The following SH3D21 variants were observed in gnomAD, a reference collection of about 807,000 sequenced individuals.
SH3D21 encodes SH3 domain-containing protein 21.
A neutral mutation model predicts 82.1 loss-of-function variants in SH3D21; 83 were observed. The observed-to-expected ratio is 1.01, with a 90% CI of 0.85 to 1.21. The LOEUF is 1.21. Among genes scored for constraint, SH3D21 ranks in the 50% most tolerant of loss-of-function variants. SH3D21 has a pLI of 0.00. For missense variants in SH3D21, 980 were observed against 962.1 expected (o/e 1.02, Z -0.25); for synonymous variants, 383 against 387.8 (o/e 0.99, Z 0.15).
intron 10 of SH3D21, among the ~76,000 whole-genome samples, chr1:36,310,728 C>G (rs563857475): frequency 3.3e-5 from 5 of 152,238 alleles, no homozygotes; most frequent in African/African-American, 9.6e-5. Flanking sequence ...TACCACTTCC[C>G]TCACCCCAAA....
chr1:36,317,423 G>C (rs1646363305), intron 10 of SH3D21, among the ~76,000 whole-genome samples: 2 of 152,230 alleles, frequency 1.3e-5, no homozygotes, highest in African/African-American at 2.4e-5. Context: ...ATCAGCACTT[G>C]TGCACATGCC....
At chr1:36,322,591 G>A (rs1489982844), downstream of SH3D21, 1 of 1,567,472 alleles carries the variant, frequency 6.4e-7, no homozygotes, top group Non-Finnish European at 8.6e-7. Flanking sequence ...CTGCTGCGGG[G>A]GTCCCGGCGC....
At chr1:36,321,662 G>T (rs1557489013), downstream of SH3D21, 19 of 1,013,948 alleles carry the variant, frequency 1.9e-5, no homozygotes, top group Non-Finnish European at 2.2e-5. The surrounding 1 kb of genome is among the most constrained non-coding windows in gnomAD (Gnocchi z 6.1). Flanking sequence ...GCTTACACCG[G>T]GGCTAGCAGC....
At position 36,320,578 on chromosome 1, in the gene SH3D21, G is replaced by C. The variant is rs916956335; in HGVS notation, c.1915G>C (p.Glu639Gln). Residue 639 changes from glutamate to glutamine, a missense_variant, in exon 14 of 16, where the codon GAA becomes CAA. Physicochemically the swap from Glu to Gln is conservative, Grantham distance 29. Coordinates refer to ENST00000453908, the MANE Select transcript of SH3D21 (RefSeq NM_001162530.2). ...GAAAGAGGAATTGCCCCCTAAAGAGGAAGTGGCTCCAAAAGAGGAGGTGCC... is the reference window on the plus strand; with the variant it reads ...GAAAGAGGAATTGCCCCCTAAAGAGCAAGTGGCTCCAAAAGAGGAGGTGCC... Reference protein sequence around the residue: ...TLKEELPPKEEVAPKEEVPPI... With the variant: ...TLKEELPPKEQVAPKEEVPPI... The C allele has an allele frequency of 6.2e-7, 1 of 1,614,050 alleles. No individual in the cohort carries two copies. Among genetic ancestry groups the C allele is most frequent in the Non-Finnish European group, 8.5e-7 (1 of 1,180,026 alleles).
chr1:36,321,099 T>C lies in SH3D21; in HGVS notation c.2243T>C (p.Val748Ala), dbSNP rs1646453717. The C allele has an allele frequency of 6.2e-7, 1 of 1,612,006 alleles. No homozygotes were observed. The highest frequency in any genetic ancestry group is 1.3e-5 in the African/African-American group (1 of 74,890). Reference sequence around the variant, plus strand: ...ACCCAGAAGTCCCAGACCCCGCGCGTCATCCACACGCAGACGCAGACCTAC... The same window carrying C: ...ACCCAGAAGTCCCAGACCCCGCGCGCCATCCACACGCAGACGCAGACCTAC... ...QGTQKSQTPR[V>A]IHTQTQTY The change falls in exon 16 of 16, where the codon GTC becomes GCC. Residue 748 changes from valine to alanine, a missense_variant. Transcript: ENST00000453908. The surrounding 1 kb of genome is among the most constrained non-coding windows in gnomAD (Gnocchi z 6.1).
Position 36,306,942 on chromosome 1 carries a change from G to A in SH3D21, c.226+37G>A, listed in dbSNP as rs915653240. 18 of 1,341,126 alleles carry A rather than the reference G, an allele frequency of 1.3e-5. No individual in the cohort carries two copies. Among genetic ancestry groups the A allele is most frequent in the Non-Finnish European group, 1.7e-5 (18 of 1,034,372 alleles). 83.1% of individuals were successfully genotyped at this position (1,341,126 alleles called of 1,614,324 possible). On this transcript the variant is annotated intron_variant, in intron 3 of 15. Coordinates refer to ENST00000453908, the MANE Select transcript of SH3D21 (RefSeq NM_001162530.2). The surrounding 1 kb of genome is among the most constrained non-coding windows in gnomAD (Gnocchi z 4.5). ...GGCGGGGACGGGCGCCGGTGGGCGGGTGCACGGAGCCAGTGCGACCCCGGC... is the reference window on the plus strand; with the variant it reads ...GGCGGGGACGGGCGCCGGTGGGCGGATGCACGGAGCCAGTGCGACCCCGGC...
chr1:36,322,136 C>A, downstream of SH3D21: 1 of 1,349,328 alleles, frequency 7.4e-7, no homozygotes, highest in South Asian at 1.7e-5. Flanking sequence ...CCGGGGTCTT[C>A]TGGCAGGACT....
chr1:36,313,871 GTTATCTTTT>G, intron 10 of SH3D21, among the ~76,000 whole-genome samples: 1 of 148,108 alleles, frequency 6.8e-6, no homozygotes, highest in East Asian at 2.0e-4. Context: ...AGCTGTTTTT[GTTATCTTTT>G]TAATGACAAC....
chr1:36,319,390 A>G, intron 12 of SH3D21, 52 bp from the exon 13 acceptor site: 1 of 1,550,712 alleles, frequency 6.4e-7, no homozygotes, highest in Non-Finnish European at 8.7e-7. Flanking sequence ...CAGAGGTGGG[A>G]AGAGACTGAG....
intron 13 of SH3D21, 69 bp downstream of exon 13, chr1:36,319,605 G>A (rs886879145): frequency 1.4e-5 from 21 of 1,549,806 alleles, no homozygotes; most frequent in African/African-American, 2.7e-5. Flanking sequence ...TGGTGTGCAC[G>A]GGTGAAGTCT....
At chr1:36,321,705 G>C, downstream of SH3D21, 1 of 1,017,022 alleles carries the variant, frequency 9.8e-7, no homozygotes. The surrounding 1 kb of genome is among the most constrained non-coding windows in gnomAD (Gnocchi z 6.1). Flanking sequence ...CCTGAGGCCT[G>C]GTGTGTGTGT....
Position 36,308,395 on chromosome 1 carries a change from G to T in SH3D21, c.646G>T (p.Glu216Ter). 6.4e-7 allele frequency: 1 copy of T among 1,551,926 alleles called. No individual in the cohort carries two copies. The highest frequency in any genetic ancestry group is 8.7e-7 in the Non-Finnish European group (1 of 1,147,028). The change falls in exon 9 of 16, where the codon GAG becomes TAG. Residue 216 changes from glutamate to a stop codon, truncating the protein, a stop_gained. Coordinates refer to ENST00000453908, the MANE Select transcript of SH3D21 (RefSeq NM_001162530.2). LOFTEE classifies it high-confidence loss of function. ...DVVKVLSKTT[E>*]DKGWWEGECQ... ...TGGCGTGTTTCTTTTCCAGACCACA[G>T]AGGATAAGGGCTGGTGGGAAGGAGA... is the stretch of plus-strand genomic sequence containing the variant.
chr1:36,315,366 G>T (rs1646323952), intron 10 of SH3D21, among the ~76,000 whole-genome samples: 2 of 151,906 alleles, frequency 1.3e-5, no homozygotes, highest in Admixed American at 6.6e-5. Flanking sequence ...TTCTTTTGCG[G>T]GGGGAAGGAG....
chr1:36,314,196 CG>C (rs1646299002), intron 10 of SH3D21, among the ~76,000 whole-genome samples: 1 of 150,494 alleles, frequency 6.6e-6, no homozygotes, highest in African/African-American at 2.4e-5. Flanking sequence ...AGGATGGTCT[CG>C]ATCTCCTGAC....
chr1:36,323,960 G>C (rs1391387263), downstream of SH3D21: 4 of 152,270 alleles, frequency 2.6e-5, no homozygotes, highest in African/African-American at 9.6e-5. Context: ...CGGAGTCTTG[G>C]AGAGATTGAA....
downstream of SH3D21, among the ~76,000 whole-genome samples, chr1:36,325,853 A>C (rs1171630565): frequency 6.6e-6 from 1 of 152,212 alleles, no homozygotes; most frequent in Non-Finnish European, 1.5e-5. Context: ...CCTGAGGAAT[A>C]GTTTTAATGG....
chr1:36,319,473 G>GT lies in SH3D21; in HGVS notation c.949dup (p.Tyr317LeufsTer65), dbSNP rs1485500632. ...ATGGTGGCTTCCAAAGTGGGGGTTC[G>GT]TATCACCCTGGCCGAAAGCGATCCA... is the stretch of plus-strand genomic sequence containing the variant. On this transcript the variant is annotated frameshift_variant, in exon 13 of 16. Coordinates refer to ENST00000453908, the MANE Select transcript of SH3D21 (RefSeq NM_001162530.2). LOFTEE classifies it high-confidence loss of function. The GT allele has an allele frequency of 6.4e-7, 1 of 1,551,486 alleles. No individual in the cohort carries two copies. The highest frequency in any genetic ancestry group is 1.4e-5 in the African/African-American group (1 of 72,994).
rs1162491552 is a variant in SH3D21, at chr1:36,307,151, G to A, written c.227-16G>A. On this transcript the variant is annotated splice_polypyrimidine_tract_variant and intron_variant, in intron 3 of 15. Coordinates refer to ENST00000453908, the MANE Select transcript of SH3D21 (RefSeq NM_001162530.2). The surrounding 1 kb of genome is among the most constrained non-coding windows in gnomAD (Gnocchi z 5.4). ...GGGCGTCCGACTGGAGCTCAGCCGC[G>A]CTTGTCCGGTGCTAGGTCATCCTGC... 1 of 1,551,304 alleles carries A rather than the reference G, an allele frequency of 6.4e-7. No homozygotes were observed. Among genetic ancestry groups the A allele is most frequent in the East Asian group, 2.4e-5 (1 of 40,898 alleles).
chr1:36,306,939 C>T lies in SH3D21; in HGVS notation c.226+34C>T, dbSNP rs1488328477. 1 of 1,334,256 alleles carries T rather than the reference C, an allele frequency of 7.5e-7. No individual in the cohort carries two copies. Among genetic ancestry groups the T allele is most frequent in the South Asian group, 1.4e-5 (1 of 73,824 alleles). 82.7% of individuals were successfully genotyped at this position (1,334,256 alleles called of 1,614,324 possible). On this transcript the variant is annotated intron_variant, in intron 3 of 15. Transcript: ENST00000453908. This position sits in a 1 kb window ranked among gnomAD's most constrained non-coding sequence, Gnocchi z 4.5. ...AAGGGCGGGGACGGGCGCCGGTGGG[C>T]GGGTGCACGGAGCCAGTGCGACCCC...
Sources: allele counts gnomAD v4.1 joint callset (sites outside exome capture counted in the v4.1 genomes callset), GRCh38; gene constraint gnomAD v4.1.1; non-coding constraint Gnocchi (gnomAD v3.1); transcripts MANE v1.5; gene names NCBI Gene and HGNC (gene_info 2026-07-23, HGNC 2026-07-21).